PCSK6: variants seen among roughly 807,000 people sequenced by gnomAD.
The protein encoded by PCSK6 is proprotein convertase subtilisin/kexin type 6, also known as paired basic amino acid cleaving enzyme 4.
Under a neutral mutation model 123.3 loss-of-function variants are expected in PCSK6, and 85 were observed. The ratio of observed to expected loss-of-function variants is 0.69; its 90% CI spans 0.58 to 0.83. The LOEUF (loss-of-function observed/expected upper bound fraction) is 0.83, where lower values mean the gene tolerates loss of function less well. Ranked by LOEUF, PCSK6 falls within the 40% of genes least tolerant of loss-of-function variation. The pLI is 0.00. For synonymous variants in PCSK6, 508 were observed against 516.0 expected, an observed-to-expected ratio of 0.98 and a Z score of 0.21; for missense variants, 1,191 against 1,282.3, an observed-to-expected ratio of 0.93 and a Z score of 1.09.
chr15:101,449,919 C>T (rs1268260011), intron 1 of PCSK6, among the ~76,000 whole-genome samples: 2 of 152,080 alleles, frequency 1.3e-5, no homozygotes, highest in Non-Finnish European at 2.9e-5. Context: ...TGGCTGAGTC[C>T]TCCAGGGGCT....
intron 6 of PCSK6, among the ~76,000 whole-genome samples, chr15:101,402,984 T>C (rs1044134239): frequency 2.2e-4 from 33 of 152,184 alleles, no homozygotes; most frequent in Non-Finnish European, 4.1e-4. Flanking sequence ...ATGTTTATTG[T>C]GGCACTATTC....
intron 6 of PCSK6, among the ~76,000 whole-genome samples, chr15:101,423,751 A>C (rs2056161251): frequency 6.6e-6 from 1 of 152,232 alleles, no homozygotes; most frequent in Non-Finnish European, 1.5e-5. Context: ...TAGAAAGAAA[A>C]TGGAACTTAA....
chr15:101,466,860 G>C (rs1336073987), intron 1 of PCSK6, among the ~76,000 whole-genome samples: 2 of 152,068 alleles, frequency 1.3e-5, no homozygotes, highest in African/African-American at 4.8e-5. Context: ...GGGGTAGATG[G>C]GGACTGACTG....
intron 1 of PCSK6, among the ~76,000 whole-genome samples, chr15:101,469,581 C>T (rs1432270271): frequency 6.6e-6 from 1 of 152,172 alleles, no homozygotes; most frequent in Admixed American, 6.5e-5. Context: ...TGGTGGTGGG[C>T]ACGAGCCCCG....
chr15:101,380,081 C>T (rs3784491), intron 11 of PCSK6, among the ~76,000 whole-genome samples: 121,138 of 152,134 alleles, frequency 0.8, 48,346 homozygotes, highest in Admixed American at 0.84. Flanking sequence ...GACTTTTCTT[C>T]AGAAACAGAA....
chr15:101,429,318 C>G (rs941094998), intron 5 of PCSK6, among the ~76,000 whole-genome samples: 1 of 152,160 alleles, frequency 6.6e-6, no homozygotes, highest in African/African-American at 2.4e-5. Context: ...TCTCCGGACC[C>G]CACTGCCTCC....
intron 2 of PCSK6, among the ~76,000 whole-genome samples, chr15:101,441,333 G>A (rs1193991925): frequency 6.6e-6 from 1 of 152,060 alleles, no homozygotes; most frequent in Non-Finnish European, 1.5e-5. Context: ...GAGGAGGCAG[G>A]TCCAGGGTAT....
chr15:101,351,948 A>G (rs1183184035), intron 13 of PCSK6, among the ~76,000 whole-genome samples: 1 of 152,122 alleles, frequency 6.6e-6, no homozygotes, highest in South Asian at 2.1e-4. Context: ...TCTCATTTAC[A>G]TAATTTCCAT....
At chr15:101,400,528 T>C (rs2042557340) in intron 6 of PCSK6, among the ~76,000 whole-genome samples, 1 of 152,222 alleles carries the variant, frequency 6.6e-6, no homozygotes, top group Non-Finnish European at 1.5e-5. Context: ...AAGTTTTCCC[T>C]GAGGTTAAAA....
At chr15:101,413,425 G>A (rs571255077) in intron 6 of PCSK6, among the ~76,000 whole-genome samples, 13 of 151,678 alleles carry the variant, frequency 8.6e-5, no homozygotes, top group Non-Finnish European at 1.8e-4. Flanking sequence ...TAAACCAAGT[G>A]AGATTTTAAA....
At chr15:101,357,467 C>G (rs149400000) in intron 13 of PCSK6, among the ~76,000 whole-genome samples, 1 of 152,240 alleles carries the variant, frequency 6.6e-6, no homozygotes, top group Non-Finnish European at 1.5e-5. Context: ...AGAGGGCAAC[C>G]TAGGTCTTCT....
chr15:101,313,504 C>T lies in PCSK6; in HGVS notation c.2571G>A (p.Gly857=). ...ECHHTCGTCV[G]PGREECIHCA... is the part of the protein sequence containing the mutation. ...AGTGAATGCACTCTTCTCTGCCTGG[C>T]CCTGAGAGACACAGGAAAAGAAGCA... The change falls in exon 20 of 22, where the codon GGG becomes GGA. Residue 857 remains glycine, a splice_region_variant and synonymous_variant. Transcript: ENST00000611716. The T allele has an allele frequency of 6.3e-7, 1 of 1,594,022 alleles. No individual in the cohort carries two copies. Among genetic ancestry groups the T allele is most frequent in the Non-Finnish European group, 8.5e-7 (1 of 1,172,832 alleles).
chr15:101,395,120 C>G (rs747537), intron 7 of PCSK6, among the ~76,000 whole-genome samples: 62,967 of 151,998 alleles, frequency 0.41, 13,235 homozygotes, highest in African/African-American at 0.44. Flanking sequence ...AGAATTAGTC[C>G]TAGACACTGC....
chr15:101,447,032 C>T (rs2056909267), intron 1 of PCSK6, among the ~76,000 whole-genome samples: 1 of 152,162 alleles, frequency 6.6e-6, no homozygotes. Context: ...AGCAGCTGCC[C>T]AGGAACACAG....
intron 19 of PCSK6, 117 bp downstream of exon 19, chr15:101,318,202 T>C: frequency 1.4e-6 from 1 of 735,292 alleles, no homozygotes; most frequent in Non-Finnish European, 2.3e-6. Flanking sequence ...TGCCCTTGCA[T>C]TTTAATGCTG....
intron 11 of PCSK6, among the ~76,000 whole-genome samples, chr15:101,372,945 G>C (rs1247482239): frequency 6.6e-6 from 1 of 152,040 alleles, no homozygotes; most frequent in African/African-American, 2.4e-5. Flanking sequence ...TGGAATCCTT[G>C]TGAAGAAGCT....
chr15:101,414,463 T>G (rs2055815978), intron 6 of PCSK6, among the ~76,000 whole-genome samples: 1 of 152,158 alleles, frequency 6.6e-6, no homozygotes, highest in African/African-American at 2.4e-5. Flanking sequence ...AAAAATAATA[T>G]GGAGTTAAAT....
At chr15:101,338,598 C>T (rs968844980) in intron 13 of PCSK6, among the ~76,000 whole-genome samples, 3 of 152,202 alleles carry the variant, frequency 2.0e-5, no homozygotes, top group Non-Finnish European at 2.9e-5. Flanking sequence ...ACCCTGCTTT[C>T]GGCAAACCAC....
chr15:101,400,287 T>G (rs1318289081), intron 6 of PCSK6, among the ~76,000 whole-genome samples: 1 of 152,212 alleles, frequency 6.6e-6, no homozygotes, highest in Non-Finnish European at 1.5e-5. Flanking sequence ...CATTTCCCTG[T>G]GCCATTAAAG....
Sources: gnomAD v4.1 joint callset for allele counts (sites outside exome capture counted in the v4.1 genomes callset) on GRCh38, gnomAD v4.1.1 for gene constraint, MANE v1.5 for transcripts, NCBI Gene and HGNC (gene_info 2026-07-23, HGNC 2026-07-21) for gene names.